GLIS3: variants seen among roughly 807,000 people sequenced by gnomAD.
The protein encoded by GLIS3 is GLIS family zinc finger 3.
In GLIS3, 53 loss-of-function variants were observed where a neutral mutation model predicts 78.6. The ratio of observed to expected loss-of-function variants is 0.67; its 90% CI spans 0.54 to 0.85. GLIS3 has a LOEUF of 0.85. Ranked by LOEUF, GLIS3 falls within the 40% of genes least tolerant of loss-of-function variation. The pLI is 0.00. For synonymous variants in GLIS3, 684 were observed against 509.9 expected (o/e 1.34, Z -4.60); for missense variants, 1,703 against 1,231.1 (o/e 1.38, Z -5.74).
chr9:4,200,581 C>T (rs1017229751), intron 2 of GLIS3, among the ~76,000 whole-genome samples: 1 of 152,028 alleles, frequency 6.6e-6, no homozygotes, highest in Non-Finnish European at 1.5e-5. Context: ...TTCCTGGAAA[C>T]ACACAATCTG....
chr9:4,227,100 C>T (rs1472311215), intron 2 of GLIS3, among the ~76,000 whole-genome samples: 1 of 152,138 alleles, frequency 6.6e-6, no homozygotes, highest in African/African-American at 2.4e-5. Flanking sequence ...TGGGCCTTTG[C>T]TTTGCAGATG....
At chr9:4,308,459 G>T (rs1156557742) in intron 4 of GLIS3, among the ~76,000 whole-genome samples, 1 of 152,032 alleles carries the variant, frequency 6.6e-6, no homozygotes, top group Non-Finnish European at 1.5e-5. Flanking sequence ...AAGAGGAGAA[G>T]GGAGAATGAA....
intron 7 of GLIS3, among the ~76,000 whole-genome samples, chr9:3,892,378 G>A (rs1213540799): frequency 6.6e-6 from 1 of 152,156 alleles, no homozygotes; most frequent in Non-Finnish European, 1.5e-5. Flanking sequence ...GTCACGGCCG[G>A]GGCACCTGAG....
chr9:4,116,262 T>C lies in GLIS3; in HGVS notation c.1710+1506A>G, dbSNP rs546326055. On this transcript the variant is annotated intron_variant, in intron 4 of 10. Transcript: ENST00000381971. Reference sequence around the variant, plus strand: ...ACTGTTTTCCTTCAGAGGCTGAATGTCTTTCCTGCCTGCAATAGGCCGGTG... The same window carrying C: ...ACTGTTTTCCTTCAGAGGCTGAATGCCTTTCCTGCCTGCAATAGGCCGGTG... Among the ~76,000 whole-genome samples, 5 of 152,352 alleles carry C rather than the reference T, an allele frequency of 3.3e-5. No individual in the cohort carries two copies. The East Asian group carries it at 9.6e-4, about 29-fold the overall frequency.
chr9:4,271,896 A>G (rs1293507447), intron 2 of GLIS3, among the ~76,000 whole-genome samples: 1 of 152,180 alleles, frequency 6.6e-6, no homozygotes, highest in Non-Finnish European at 1.5e-5. Flanking sequence ...TTTGCCACAT[A>G]TTGGCCATGT....
the GLIS3 span, among the ~76,000 whole-genome samples, chr9:4,479,149 C>A: frequency 1.2e-4 from 18 of 152,288 alleles, no homozygotes; most frequent in African/African-American, 3.8e-4. Context: ...TGGTGTCAAA[C>A]TACTGGGCTT....
intron 4 of GLIS3, among the ~76,000 whole-genome samples, chr9:3,978,408 A>G (rs1186510747): frequency 3.9e-5 from 6 of 152,154 alleles, no homozygotes; most frequent in Non-Finnish European, 7.4e-5. Flanking sequence ...TCTTTAAAAA[A>G]TAAAACCATT....
intron 2 of GLIS3, among the ~76,000 whole-genome samples, chr9:4,251,864 G>C (rs199665546): frequency 1.3e-5 from 2 of 152,034 alleles, no homozygotes; most frequent in East Asian, 3.9e-4. Flanking sequence ...TCACTTAAGA[G>C]GCTTAGTTTG....
intron 9 of GLIS3, among the ~76,000 whole-genome samples, chr9:3,839,317 A>G (rs1246963697): frequency 6.6e-6 from 1 of 152,194 alleles, no homozygotes; most frequent in Non-Finnish European, 1.5e-5. Context: ...CCTTTGTATT[A>G]AAACAAATGG....
chr9:4,079,279 T>C (rs1028806641), intron 4 of GLIS3, among the ~76,000 whole-genome samples: 2 of 152,204 alleles, frequency 1.3e-5, no homozygotes, highest in African/African-American at 4.8e-5. Context: ...AATTATTCCC[T>C]CTTTGCAAAT....
intron 8 of GLIS3, among the ~76,000 whole-genome samples, chr9:3,877,848 A>ACTAT (rs1821420767): frequency 1.3e-5 from 2 of 152,112 alleles, no homozygotes; most frequent in African/African-American, 4.8e-5. Context: ...CAGTTACTCA[A>ACTAT]CTATCTTGCC....
the GLIS3 span, among the ~76,000 whole-genome samples, chr9:4,395,564 G>A: frequency 1.3e-5 from 2 of 152,066 alleles, no homozygotes; most frequent in Non-Finnish European, 2.9e-5. Flanking sequence ...CTGGGAAGGT[G>A]ATACCTCTCC....
chr9:3,975,054 T>C (rs1305123584), intron 4 of GLIS3: 1 of 152,064 alleles, frequency 6.6e-6, no homozygotes, highest in East Asian at 1.9e-4. Context: ...TGGGAAAAGA[T>C]TAGAATTTCT....
At chr9:4,189,707 G>C (rs1586924042) in intron 2 of GLIS3, among the ~76,000 whole-genome samples, 1 of 152,150 alleles carries the variant, frequency 6.6e-6, no homozygotes, top group Non-Finnish European at 1.5e-5. Flanking sequence ...ATTTAGGATA[G>C]TTAGCTCTTC....
At chr9:3,987,080 T>G (rs1220891924) in intron 4 of GLIS3, among the ~76,000 whole-genome samples, 3 of 152,192 alleles carry the variant, frequency 2.0e-5, no homozygotes, top group African/African-American at 4.8e-5. Context: ...TTACAAATTC[T>G]TTTGAAACAA....
chr9:3,983,122 G>T (rs1278379963), intron 4 of GLIS3, among the ~76,000 whole-genome samples: 1 of 152,168 alleles, frequency 6.6e-6, no homozygotes, highest in Admixed American at 6.6e-5. Flanking sequence ...GGTGAGAGGT[G>T]ACTGAATTAT....
chr9:4,379,675 G>A, the GLIS3 span, among the ~76,000 whole-genome samples: 1 of 152,164 alleles, frequency 6.6e-6, no homozygotes, highest in Admixed American at 6.5e-5. Flanking sequence ...TCACTTCAGT[G>A]TACACCATCC....
intron 9 of GLIS3, among the ~76,000 whole-genome samples, chr9:3,831,143 A>C (rs1462088279): frequency 6.6e-6 from 1 of 151,402 alleles, no homozygotes; most frequent in Non-Finnish European, 1.5e-5. Context: ...ATATAGAATC[A>C]AAAGAAAAAT....
intron 7 of GLIS3, among the ~76,000 whole-genome samples, chr9:3,880,572 T>C (rs565894563): frequency 6.6e-6 from 1 of 152,282 alleles, no homozygotes; most frequent in East Asian, 1.9e-4. Context: ...ACTCTACTAA[T>C]ATCAAAGAAT....
Sources: gnomAD v4.1 joint callset for allele counts (sites outside exome capture counted in the v4.1 genomes callset) on GRCh38, gnomAD v4.1.1 for gene constraint, MANE v1.5 for transcripts, NCBI Gene and HGNC (gene_info 2026-07-23, HGNC 2026-07-21) for gene names.